Variants in ACTR6 observed in about 807,000 individuals in gnomAD.
ACTR6 encodes actin related protein 6.
Under a neutral mutation model 52.5 loss-of-function variants are expected in ACTR6, and 50 were observed. The ratio of observed to expected loss-of-function variants is 0.95; its 90% CI spans 0.76 to 1.20. The LOEUF is 1.20. Ranked by LOEUF, ACTR6 falls within the 50% of genes most tolerant of loss-of-function variation. The probability of loss-of-function intolerance (pLI) is 0.00; values close to 1 mark genes in which losing one functional copy is unlikely to be tolerated. For missense variants in ACTR6, 344 were observed against 472.4 expected, an observed-to-expected ratio of 0.73 and a Z score of 2.52; for synonymous variants, 135 against 147.2, an observed-to-expected ratio of 0.92 and a Z score of 0.60.
chr12:100,218,506 T>C lies in ACTR6; in HGVS notation c.842T>C (p.Leu281Pro), dbSNP rs746483607. The change falls in exon 9 of 11, where the codon CTC (leucine) becomes CCC (proline). Residue 281 changes from leucine to proline, a missense_variant. Physicochemically the swap from Leu to Pro is moderately conservative, Grantham distance 98. Coordinates refer to ENST00000188312, the MANE Select transcript of ACTR6 (RefSeq NM_022496.5). This position sits in a 1 kb window ranked among gnomAD's most constrained non-coding sequence, Gnocchi z 4.2. ...ANERFAVPEI[L>P]FNPSDIGIQE... ...GAGAGATTTGCTGTTCCGGAAATAC[T>C]CTTTAATCCTTCTGATATAGGCATT... The C allele has an allele frequency of 3.4e-5, 54 of 1,605,676 alleles. No individual in the cohort carries two copies. Among genetic ancestry groups the C allele is most frequent in the Non-Finnish European group, 6.8e-6 (8 of 1,176,198 alleles).
intron 3 of ACTR6, among the ~76,000 whole-genome samples, chr12:100,207,269 T>C (rs1462214402): frequency 1.3e-5 from 2 of 151,908 alleles, no homozygotes; most frequent in African/African-American, 4.8e-5. Context: ...GGGGTCTTGC[T>C]GTGTTTCCCA....
At position 100,218,540 on chromosome 12, in the gene ACTR6, G is replaced by A; in HGVS notation, c.876G>A (p.Met292Ile). 1.3e-6 allele frequency: 2 copies of A among 1,576,510 alleles called. No individual in the cohort carries two copies. Among genetic ancestry groups the A allele is most frequent in the Non-Finnish European group, 1.7e-6 (2 of 1,160,956 alleles). The change falls in exon 9 of 11, where the codon ATG becomes ATA. Residue 292 changes from methionine to isoleucine, a missense_variant. Coordinates refer to ENST00000188312, the MANE Select transcript of ACTR6 (RefSeq NM_022496.5). The surrounding 1 kb of genome is among the most constrained non-coding windows in gnomAD (Gnocchi z 4.2). ...FNPSDIGIQEMGIPEAIVYSI... is the reference protein window; with the variant it reads ...FNPSDIGIQEIGIPEAIVYSI... Reference sequence around the variant, plus strand: ...CTTCTGATATAGGCATTCAAGAAATGGGAATTCCAGAAGCTATTGTCTATT... The same window carrying A: ...CTTCTGATATAGGCATTCAAGAAATAGGAATTCCAGAAGCTATTGTCTATT...
At chr12:100,223,351 A>AT (rs1347297595) in intron 10 of ACTR6, among the ~76,000 whole-genome samples, 1 of 152,172 alleles carries the variant, frequency 6.6e-6, no homozygotes, top group Non-Finnish European at 1.5e-5. Context: ...AAAAAAAAAA[A>AT]GAAAGAAAGT....
chr12:100,206,462 T>C (rs755566001), intron 3 of ACTR6, among the ~76,000 whole-genome samples: 1 of 152,152 alleles, frequency 6.6e-6, no homozygotes, highest in Non-Finnish European at 1.5e-5. Flanking sequence ...TGGGTAAGAC[T>C]ATGTCTCAAT....
chr12:100,220,377 T>G (rs547987850), intron 10 of ACTR6, among the ~76,000 whole-genome samples: 1 of 152,284 alleles, frequency 6.6e-6, no homozygotes, highest in East Asian at 1.9e-4. Context: ...GGTGCTTAAT[T>G]AAGTATATGG....
chr12:100,212,225 C>T, intron 6 of ACTR6, 31 bp from the exon 7 acceptor site: 1 of 1,424,526 alleles, frequency 7.0e-7, no homozygotes, highest in South Asian at 1.3e-5. Context: ...AATTGTTTTG[C>T]TTCAAATTTT....
At chr12:100,223,412 A>G (rs2096129873) in intron 10 of ACTR6, among the ~76,000 whole-genome samples, 1 of 152,046 alleles carries the variant, frequency 6.6e-6, no homozygotes. Flanking sequence ...GAGATGACAT[A>G]TCTTTGCCAC....
intron 10 of ACTR6, among the ~76,000 whole-genome samples, chr12:100,222,264 T>G (rs1195809369): frequency 6.7e-6 from 1 of 149,614 alleles, no homozygotes; most frequent in African/African-American, 2.5e-5. Context: ...TGGGTTTTTT[T>G]TTTTTTTTTT....
chr12:100,211,703 T>A (rs930903730), intron 6 of ACTR6, among the ~76,000 whole-genome samples: 1 of 152,154 alleles, frequency 6.6e-6, no homozygotes, highest in Non-Finnish European at 1.5e-5. Flanking sequence ...TGCCATACAT[T>A]TAGCCATTTT....
chr12:100,219,981 T>C (rs759616433), intron 9 of ACTR6, 27 bp from the exon 10 acceptor site: 1 of 1,608,558 alleles, frequency 6.2e-7, no homozygotes, highest in South Asian at 1.1e-5. Flanking sequence ...CCTTTTTTCC[T>C]TTCCTTCTCC....
intron 1 of ACTR6, among the ~76,000 whole-genome samples, chr12:100,202,182 C>G (rs1284479694): frequency 6.6e-6 from 1 of 152,156 alleles, no homozygotes; most frequent in Non-Finnish European, 1.5e-5. Context: ...CTGCCTGCTT[C>G]AGCCTCCTAA....
In ACTR6 at chr12:100,205,745, G is replaced by A; in HGVS notation, c.255+1G>A. ...CCTTTTTGGAAAAGAAATGTATCAGGTAACAAATTAGAGTATGTATTAAAA... is the reference window on the plus strand; with the variant it reads ...CCTTTTTGGAAAAGAAATGTATCAGATAACAAATTAGAGTATGTATTAAAA... On this transcript the variant is annotated splice_donor_variant, in intron 3 of 10. Transcript: ENST00000188312. LOFTEE classifies it high-confidence loss of function. 1 of 1,486,980 alleles carries A rather than the reference G, an allele frequency of 6.7e-7. No homozygotes were observed. Among genetic ancestry groups the A allele is most frequent in the Admixed American group, 2.1e-5 (1 of 46,892 alleles). 92.1% of individuals were successfully genotyped at this position (1,486,980 alleles called of 1,614,324 possible).
intron 9 of ACTR6, 56 bp from the exon 10 acceptor site, chr12:100,219,952 G>A (rs1672856320): frequency 2.5e-6 from 4 of 1,582,942 alleles, no homozygotes; most frequent in Non-Finnish European, 3.4e-6. Context: ...TTCCAGAAAA[G>A]TAAACAGATT....
chr12:100,224,161 T>C lies in ACTR6; in HGVS notation c.*246T>C, dbSNP rs1395591926. On this transcript the variant is annotated 3_prime_UTR_variant, in exon 11 of 11. Transcript: ENST00000188312. ...GCTTATGCTGTTTCCAAGGGTAGGT[T>C]ATTTTTCATTAAAAGAAGAATGAAT... is the stretch of plus-strand genomic sequence containing the variant. 1 of 267,460 alleles carries C rather than the reference T, an allele frequency of 3.7e-6. No homozygotes were observed. The highest frequency in any genetic ancestry group is 6.9e-6 in the Non-Finnish European group (1 of 145,292). The allele number at this position is 267,460 out of a possible 1,614,324, so 16.6% of individuals were successfully genotyped here.
In ACTR6 at chr12:100,200,828, G is replaced by A. The variant is rs1478921441; in HGVS notation, c.-24G>A. 6.2e-7 allele frequency: 1 copy of A among 1,613,468 alleles called. No individual in the cohort carries two copies. Among genetic ancestry groups the A allele is most frequent in the Non-Finnish European group, 8.5e-7 (1 of 1,179,408 alleles). On this transcript the variant is annotated 5_prime_UTR_variant, in exon 1 of 11. Coordinates refer to ENST00000188312, the MANE Select transcript of ACTR6 (RefSeq NM_022496.5). ...GGGGTCGGAAAGGGAAAACAACTAC[G>A]GCTGCGGTGTGGTTGGTGGTGAGAT...
intron 6 of ACTR6, 54 bp downstream of exon 6, chr12:100,210,405 T>A: frequency 6.5e-7 from 1 of 1,535,828 alleles, no homozygotes. Context: ...AGGAACCTTT[T>A]ACAGTAATTT....
At position 100,205,692 on chromosome 12, in the gene ACTR6, G is replaced by GGGAT; in HGVS notation, c.205_208dup (p.Val70GlyfsTer19). The GGGAT allele has an allele frequency of 6.6e-7, 1 of 1,517,376 alleles. No individual in the cohort carries two copies. The highest frequency in any genetic ancestry group is 1.4e-5 in the South Asian group (1 of 69,776). The allele number at this position is 1,517,376 out of a possible 1,614,324, so 94.0% of individuals were successfully genotyped here. Reference sequence around the variant, plus strand: ...ATTTTTTAGGGCTACTTGGTGAATTGGGATGTTCAGAGACAAGTTTGGGAT... The same window carrying GGGAT: ...ATTTTTTAGGGCTACTTGGTGAATTGGGATGGATGTTCAGAGACAAGTTTGGGAT... On this transcript the variant is annotated frameshift_variant, in exon 3 of 11. Coordinates refer to ENST00000188312, the MANE Select transcript of ACTR6 (RefSeq NM_022496.5). LOFTEE classifies it high-confidence loss of function.
chr12:100,212,905 G>A (rs1241001256), intron 8 of ACTR6, among the ~76,000 whole-genome samples: 2 of 151,166 alleles, frequency 1.3e-5, no homozygotes, highest in African/African-American at 4.9e-5. Context: ...TACTTGGGAG[G>A]CTGAGGCAGG....
At chr12:100,207,585 A>T in intron 3 of ACTR6, 78 bp from the exon 4 acceptor site, 1 of 1,240,686 alleles carries the variant, frequency 8.1e-7, no homozygotes, top group African/African-American at 1.5e-5. Flanking sequence ...AGGATTAAAT[A>T]AATTTGTTTG....
Sources: gnomAD v4.1 joint callset for allele counts (sites outside exome capture counted in the v4.1 genomes callset) on GRCh38, gnomAD v4.1.1 for gene constraint, Gnocchi (gnomAD v3.1) non-coding constraint, MANE v1.5 for transcripts, NCBI Gene and HGNC (gene_info 2026-07-23, HGNC 2026-07-21) for gene names.